CDH18: variants seen among roughly 807,000 people sequenced by gnomAD.
The protein encoded by CDH18 is cadherin-18.
Under a neutral mutation model 67.9 loss-of-function variants are expected in CDH18, and 31 were observed. That is an observed-to-expected ratio of 0.46 (90% CI 0.34 to 0.62). The LOEUF is 0.62. CDH18 is among the 20% of genes least tolerant of loss of function. The pLI, the probability that CDH18 is intolerant of heterozygous loss-of-function variation, is 0.01. For synonymous variants in CDH18, 362 were observed against 347.2 expected, an observed-to-expected ratio of 1.04 and a Z score of -0.48; for missense variants, 890 against 975.5, an observed-to-expected ratio of 0.91 and a Z score of 1.17.
chr5:20,211,233 A>C (rs1056964477), intron 2 of CDH18, among the ~76,000 whole-genome samples: 2 of 152,164 alleles, frequency 1.3e-5, no homozygotes, highest in Non-Finnish European at 2.9e-5. Context: ...TGAGGCTTGA[A>C]TAGGTAAACA....
At chr5:19,785,138 A>G (rs1473123160) in intron 3 of CDH18, among the ~76,000 whole-genome samples, 3 of 152,128 alleles carry the variant, frequency 2.0e-5, no homozygotes, top group African/African-American at 7.2e-5. Context: ...AGTCACTCAT[A>G]TTGGCTGAAC....
chr5:20,497,387 T>C (rs896628792), intron 1 of CDH18, among the ~76,000 whole-genome samples: 2 of 152,176 alleles, frequency 1.3e-5, no homozygotes, highest in Non-Finnish European at 2.9e-5. Context: ...ATATTGTTAT[T>C]GCCTTTTACT....
chr5:19,678,549 A>G (rs1188291129), intron 5 of CDH18, among the ~76,000 whole-genome samples: 2 of 151,902 alleles, frequency 1.3e-5, no homozygotes, highest in African/African-American at 4.8e-5. Context: ...CAAATTAACA[A>G]TCTACTGTCA....
chr5:20,420,818 C>A (rs1747801769), intron 1 of CDH18, among the ~76,000 whole-genome samples: 1 of 151,110 alleles, frequency 6.6e-6, no homozygotes, highest in African/African-American at 2.5e-5. Context: ...ACTATAATAA[C>A]TTTTATGGCA....
chr5:20,442,335 CAT>C lies in CDH18; in HGVS notation c.-580+133125_-580+133126del, dbSNP rs991119133. ...GCGTCAAATGAGGCATACATTTTGA[CAT>C]GTGATAAAAACCGTAAATAAACTAC... On this transcript the variant is annotated intron_variant, in intron 1 of 14. Transcript: ENST00000507958. 5.3e-5 allele frequency among the ~76,000 whole-genome samples: 8 copies of C among 151,862 alleles called. 1 individual carries two copies. The highest frequency in any genetic ancestry group is 1.7e-4 in the African/African-American group (7 of 41,180).
At chr5:20,128,417 C>T (rs1000225246) in intron 2 of CDH18, among the ~76,000 whole-genome samples, 5 of 152,004 alleles carry the variant, frequency 3.3e-5, no homozygotes, top group African/African-American at 4.8e-5. Context: ...TTTTGTGATA[C>T]GTAAATTACT....
chr5:20,029,589 G>A (rs1739208635), intron 2 of CDH18, among the ~76,000 whole-genome samples: 1 of 152,162 alleles, frequency 6.6e-6, no homozygotes, highest in South Asian at 2.1e-4. Context: ...ATAAGATTAT[G>A]AGATTACCTG....
intron 1 of CDH18, among the ~76,000 whole-genome samples, chr5:20,496,712 C>A (rs1320072434): frequency 6.6e-6 from 1 of 152,050 alleles, no homozygotes; most frequent in African/African-American, 2.4e-5. Flanking sequence ...TATAAGCATG[C>A]TCCTCCATTC....
In CDH18 at chr5:19,703,727, C is replaced by A. The variant is rs113406875; in HGVS notation, c.643+17620G>T. 1.4e-4 allele frequency among the ~76,000 whole-genome samples: 22 copies of A among 151,866 alleles called. No homozygotes were observed. The East Asian group carries it at 3.7e-3, about 26-fold the overall frequency. ...TAGGACACACACACCCCCTGCCCCC[C>A]CTGCCCCCCGCCGATCAACAGGGAA... is the stretch of plus-strand genomic sequence containing the variant. On this transcript the variant is annotated intron_variant, in intron 5 of 12. Coordinates refer to ENST00000382275, the MANE Select transcript of CDH18 (RefSeq NM_004934.5).
chr5:20,294,129 T>C (rs1038864723), intron 1 of CDH18, among the ~76,000 whole-genome samples: 3 of 152,138 alleles, frequency 2.0e-5, no homozygotes, highest in Non-Finnish European at 4.4e-5. Context: ...CCTTTAATCT[T>C]TTCCATATGT....
Position 20,564,280 on chromosome 5 carries a change from AT to A in CDH18, c.-580+11181del, listed in dbSNP as rs1758380067. On this transcript the variant is annotated intron_variant, in intron 1 of 14. Transcript: ENST00000507958. ...CACAGTTTTATTTATTTATTTATTT[AT>A]TTATTTATTTATTTTAGATGGAGTT... is the stretch of plus-strand genomic sequence containing the variant. Among the ~76,000 whole-genome samples, 3 of 150,068 alleles carry A rather than the reference AT, an allele frequency of 2.0e-5. 1 individual carries two copies. The East Asian group carries it at 5.9e-4, about 29-fold the overall frequency.
intron 2 of CDH18, among the ~76,000 whole-genome samples, chr5:20,213,552 G>T (rs1010375722): frequency 6.6e-6 from 1 of 151,956 alleles, no homozygotes; most frequent in Admixed American, 6.6e-5. Context: ...TTCAATTTCA[G>T]AGCTCATTAT....
chr5:19,491,559 T>G (rs1208933831), intron 11 of CDH18, among the ~76,000 whole-genome samples: 1 of 152,190 alleles, frequency 6.6e-6, no homozygotes, highest in African/African-American at 2.4e-5. Context: ...TGCATTTCCC[T>G]ACCAATGGAG....
rs578257206 is a variant in CDH18 at position 19,976,222 on chromosome 5, A to ATT, written c.-257+4836_-257+4837dup. 2.1e-3 allele frequency among the ~76,000 whole-genome samples: 316 copies of ATT among 152,336 alleles called. 2 individuals are homozygous for ATT. The highest frequency in any genetic ancestry group is 7.1e-3 in the African/African-American group (295 of 41,580). ...TGTTTAAAAACTCTGAAGAAAAACT[A>ATT]TTTTAAATTTTACTTTACATAATAC... On this transcript the variant is annotated intron_variant, in intron 2 of 12. Coordinates refer to ENST00000382275, the MANE Select transcript of CDH18 (RefSeq NM_004934.5).
chr5:20,432,803 G>A (rs990257201), intron 1 of CDH18, among the ~76,000 whole-genome samples: 2 of 151,282 alleles, frequency 1.3e-5, no homozygotes, highest in African/African-American at 4.9e-5. Context: ...TGCATTCTGG[G>A]GTATTGGGGG....
intron 1 of CDH18, among the ~76,000 whole-genome samples, chr5:20,441,260 A>G (rs1749585561): frequency 6.6e-6 from 1 of 152,024 alleles, no homozygotes; most frequent in Non-Finnish European, 1.5e-5. Context: ...GAAAACAGTC[A>G]ACAAAATAAA....
At position 20,138,761 on chromosome 5, in the gene CDH18, T is replaced by G. The variant is rs189763511; in HGVS notation, c.-518+116683A>C. ...ACTGAGGAATCCAACTTACGAGGGA[T>G]GTGAAGGACCTCTTCAAGGAGACCT... On this transcript the variant is annotated intron_variant, in intron 2 of 14. Coordinates refer to the CDH18 transcript ENST00000507958. Among the ~76,000 whole-genome samples, 306 of 152,220 alleles carry G rather than the reference T, an allele frequency of 2.0e-3. 3 individuals carry two copies. Among genetic ancestry groups the G allele is most frequent in the African/African-American group, 6.9e-3 (285 of 41,544 alleles).
At chr5:19,595,841 C>G (rs1009669170) in intron 6 of CDH18, among the ~76,000 whole-genome samples, 2 of 152,202 alleles carry the variant, frequency 1.3e-5, no homozygotes, top group Non-Finnish European at 2.9e-5. Context: ...TTTAGTCTAA[C>G]TAAACTAAAT....
At chr5:20,266,095 GT>G (rs1745012357) in intron 1 of CDH18, among the ~76,000 whole-genome samples, 3 of 152,150 alleles carry the variant, frequency 2.0e-5, no homozygotes, top group African/African-American at 7.2e-5. Context: ...ATCTCCCCTG[GT>G]TCTCAGGCTT....
Sources: allele counts gnomAD v4.1 joint callset (sites outside exome capture counted in the v4.1 genomes callset), GRCh38; gene constraint gnomAD v4.1.1; transcripts MANE v1.5; gene names NCBI Gene and HGNC (gene_info 2026-07-23, HGNC 2026-07-21).